HNF4A: variants seen among roughly 807,000 people sequenced by gnomAD.
HNF4A encodes the protein hepatocyte nuclear factor 4 alpha, also known as hepatocyte nuclear factor 4-alpha.
In HNF4A, 15 loss-of-function variants were observed where a neutral mutation model predicts 52.4. That is an observed-to-expected ratio of 0.29 (90% confidence interval 0.19 to 0.44). The LOEUF is 0.44. Ranked by LOEUF, HNF4A falls within the 20% of genes least tolerant of loss-of-function variation. HNF4A has a pLI of 1.00. For synonymous variants in HNF4A, 280 were observed against 264.4 expected, an observed-to-expected ratio of 1.06 and a Z score of -0.57; for missense variants, 479 against 647.2, an observed-to-expected ratio of 0.74 and a Z score of 2.82.
intron 1 of HNF4A, among the ~76,000 whole-genome samples, chr20:44,393,570 G>C (rs115782562): frequency 0.015 from 2,335 of 152,240 alleles, 28 homozygotes; most frequent in South Asian, 0.049. Flanking sequence ...TGTGAGCATG[G>C]GTATATGGCT....
Position 44,413,708 on chromosome 20 carries a change from CG to C in HNF4A, c.403del (p.Asp135ThrfsTer57). 3 of 1,613,424 alleles carry C rather than the reference CG, an allele frequency of 1.9e-6. No homozygotes were observed. In the African/African-American group the frequency reaches 4.0e-5, roughly 22 times the overall value. On this transcript the variant is annotated frameshift_variant, in exon 4 of 10. Coordinates refer to ENST00000316099, the MANE Select transcript of HNF4A (RefSeq NM_000457.6). LOFTEE classifies it high-confidence loss of function. ...CCTCCTCACAGCCGTCCAGAATGAGCGGGACCGGATCAGCACTCGAAGGTCA... is the reference window on the plus strand; with the variant it reads ...CCTCCTCACAGCCGTCCAGAATGAGCGGACCGGATCAGCACTCGAAGGTCA...
chr20:44,428,401 GA>G lies in HNF4A; in HGVS notation c.1198del (p.Thr400ProfsTer119). On this transcript the variant is annotated frameshift_variant, in exon 9 of 10. Transcript: ENST00000316099. LOFTEE classifies it high-confidence loss of function. ...CCTCACCTGATGCAGGAACATATGG[GA>G]ACCAACGTCATCGTTGCCAACACAA... The G allele has an allele frequency of 6.2e-7, 1 of 1,614,150 alleles. No homozygotes were observed. Among genetic ancestry groups the G allele is most frequent in the Non-Finnish European group, 8.5e-7 (1 of 1,180,004 alleles).
intron 1 of HNF4A, among the ~76,000 whole-genome samples, chr20:44,392,975 T>C (rs2063318450): frequency 1.3e-5 from 2 of 152,212 alleles, no homozygotes; most frequent in Admixed American, 6.5e-5. Flanking sequence ...TGCACAACTG[T>C]ACAGGGCAGT....
At chr20:44,415,327 A>G (rs1319662125) in intron 5 of HNF4A, among the ~76,000 whole-genome samples, 2 of 152,226 alleles carry the variant, frequency 1.3e-5, no homozygotes, top group African/African-American at 4.8e-5. Context: ...CACCAAAACG[A>G]TTGAACTCAG....
intron 8 of HNF4A, among the ~76,000 whole-genome samples, chr20:44,426,922 G>A (rs1273422276): frequency 1.3e-5 from 2 of 152,210 alleles, no homozygotes; most frequent in African/African-American, 4.8e-5. Flanking sequence ...GAGCTGGAAG[G>A]ACATGAGGTG....
chr20:44,427,868 G>A (rs2063830524), intron 8 of HNF4A, among the ~76,000 whole-genome samples: 1 of 152,198 alleles, frequency 6.6e-6, no homozygotes, highest in Non-Finnish European at 1.5e-5. Context: ...AACGTGAGCA[G>A]AAGCATAGAG....
At chr20:44,367,796 C>T (rs1324814918) in intron 1 of HNF4A, among the ~76,000 whole-genome samples, 1 of 151,888 alleles carries the variant, frequency 6.6e-6, no homozygotes, top group African/African-American at 2.4e-5. Flanking sequence ...ATAAATTACT[C>T]CTTTAATCCT....
chr20:44,400,129 C>A (rs1400233103), upstream of HNF4A, among the ~76,000 whole-genome samples: 1 of 152,178 alleles, frequency 6.6e-6, no homozygotes, highest in African/African-American at 2.4e-5. Flanking sequence ...ATTTTCAGGG[C>A]CCCGTCCAAA....
chr20:44,379,728 T>C (rs1353381443), intron 1 of HNF4A, among the ~76,000 whole-genome samples: 2 of 141,134 alleles, frequency 1.4e-5, no homozygotes, highest in Non-Finnish European at 3.0e-5. Context: ...ATTTTTCTTT[T>C]CCTTTTTTTT....
intron 1 of HNF4A, among the ~76,000 whole-genome samples, chr20:44,392,797 G>A (rs2063316525): frequency 6.6e-6 from 1 of 152,156 alleles, no homozygotes; most frequent in South Asian, 2.1e-4. Flanking sequence ...CCAGAGCTGG[G>A]GCAGGACACC....
intron 1 of HNF4A, among the ~76,000 whole-genome samples, chr20:44,363,017 C>A (rs1016548091): frequency 6.9e-6 from 1 of 145,442 alleles, no homozygotes; most frequent in Admixed American, 6.8e-5. Context: ...CCATGCCTGG[C>A]TAATTTTTTT....
chr20:44,380,874 TTCCA>T (rs1354110097), intron 1 of HNF4A, among the ~76,000 whole-genome samples: 2 of 152,250 alleles, frequency 1.3e-5, no homozygotes, highest in Non-Finnish European at 2.9e-5. Context: ...TTATGTTTTA[TTCCA>T]AAGGTTTTAT....
At chr20:44,427,943 GGGATGA>G (rs2063831536) in intron 8 of HNF4A, among the ~76,000 whole-genome samples, 1 of 152,204 alleles carries the variant, frequency 6.6e-6, no homozygotes, top group Admixed American at 6.5e-5. Context: ...AGAGATGTGG[GGGATGA>G]GGCTGAAAGG....
chr20:44,402,226 T>C (rs2071199), intron 1 of HNF4A, among the ~76,000 whole-genome samples: 17,104 of 152,128 alleles, frequency 0.11, 1,208 homozygotes, highest in East Asian at 0.17. Flanking sequence ...CGTGTTGATC[T>C]TGCTTATGTA....
rs934579861 is a variant in HNF4A at position 44,432,555 on chromosome 20, G to A, written c.*2890G>A. The A allele has an allele frequency of 6.6e-6, 1 of 151,662 alleles. No individual in the cohort carries two copies. Among genetic ancestry groups the A allele is most frequent in the African/African-American group, 2.4e-5 (1 of 41,286 alleles). The allele number at this position is 151,662 out of a possible 1,614,324, so 9.4% of individuals were successfully genotyped here. On this transcript the variant is annotated 3_prime_UTR_variant, in exon 10 of 10. Transcript: ENST00000316099. Reference sequence around the variant, plus strand: ...GGAGAGGAGAGGGTCAGAAATGAACGCTCTTCTATTTCTTGTCATTACCAA... The same window carrying A: ...GGAGAGGAGAGGGTCAGAAATGAACACTCTTCTATTTCTTGTCATTACCAA...
rs1240436159 is a variant in HNF4A, at chr20:44,432,383, T to C, written c.*2718T>C. 2 of 134,020 alleles carry C rather than the reference T, an allele frequency of 1.5e-5. No homozygotes were observed. The highest frequency in any genetic ancestry group is 5.6e-5 in the African/African-American group (2 of 35,686). 8.3% of individuals were successfully genotyped at this position (134,020 alleles called of 1,614,324 possible). A position where few individuals can be genotyped will look rare whatever the true frequency, so the allele number is the denominator to read the frequency against. ...TTTTTTTTTTTGGCTACTTGAGTTGTGGTCCTAAAACATAAAATCTGATGG... is the reference window on the plus strand; with the variant it reads ...TTTTTTTTTTTGGCTACTTGAGTTGCGGTCCTAAAACATAAAATCTGATGG... On this transcript the variant is annotated 3_prime_UTR_variant, in exon 10 of 10. Transcript: ENST00000316099.
chr20:44,380,777 A>G (rs895546375), intron 1 of HNF4A, among the ~76,000 whole-genome samples: 3 of 152,146 alleles, frequency 2.0e-5, no homozygotes, highest in African/African-American at 7.2e-5. Context: ...GATGTAGTCC[A>G]ATTTATCTAA....
chr20:44,363,637 C>T (rs957129212), intron 1 of HNF4A, among the ~76,000 whole-genome samples: 1 of 151,532 alleles, frequency 6.6e-6, no homozygotes, highest in Non-Finnish European at 1.5e-5. Flanking sequence ...GGAGATGGCT[C>T]TGGCCCTGGC....
chr20:44,422,278 C>A lies in HNF4A; in HGVS notation c.893-1740C>A, dbSNP rs576546836. On this transcript the variant is annotated intron_variant, in intron 7 of 9. Transcript: ENST00000316099. ...CTGTAGTGCTCAACACGAGGCTGGA[C>A]TGGCAGAATTGTTCTGCAAAATGGG... Among the ~76,000 whole-genome samples, 3 of 152,288 alleles carry A rather than the reference C, an allele frequency of 2.0e-5. No homozygotes were observed. The South Asian group carries it at 6.2e-4, about 32-fold the overall frequency.
Sources: allele counts gnomAD v4.1 joint callset (sites outside exome capture counted in the v4.1 genomes callset), GRCh38; gene constraint gnomAD v4.1.1; transcripts MANE v1.5; gene names NCBI Gene and HGNC (gene_info 2026-07-23, HGNC 2026-07-21).